Variants in LRRTM4 observed in about 807,000 individuals in gnomAD.
The protein encoded by LRRTM4 is leucine-rich repeat transmembrane neuronal protein 4.
LRRTM4 carries 25 observed loss-of-function variants against 47.6 expected under a neutral mutation model. The ratio of observed to expected loss-of-function variants is 0.53; its 90% CI spans 0.38 to 0.73. LRRTM4 has a LOEUF of 0.73. Ranked by LOEUF, LRRTM4 falls within the 30% of genes least tolerant of loss-of-function variation. LRRTM4 has a pLI of 0.00. For missense variants in LRRTM4, 638 were observed against 713.4 expected, an observed-to-expected ratio of 0.89 and a Z score of 1.20; for synonymous variants, 311 against 269.5, an observed-to-expected ratio of 1.15 and a Z score of -1.51.
intron 3 of LRRTM4, among the ~76,000 whole-genome samples, chr2:77,196,835 T>A (rs1271970303): frequency 3.3e-5 from 5 of 152,188 alleles, no homozygotes; most frequent in Admixed American, 6.6e-5. Flanking sequence ...AAGAACAATA[T>A]AAGTATGGGA....
chr2:76,894,809 T>G (rs1384282750), intron 3 of LRRTM4, among the ~76,000 whole-genome samples: 2 of 151,880 alleles, frequency 1.3e-5, no homozygotes, highest in African/African-American at 4.8e-5. Flanking sequence ...ATATACAATT[T>G]CAATAATTAC....
At chr2:77,504,917 T>G (rs1678710972) in intron 3 of LRRTM4, among the ~76,000 whole-genome samples, 1 of 151,494 alleles carries the variant, frequency 6.6e-6, no homozygotes, top group Admixed American at 6.6e-5. Context: ...TTATAATTTT[T>G]TCTCAGCATT....
chr2:77,444,845 C>T (rs1336235585), intron 3 of LRRTM4, among the ~76,000 whole-genome samples: 1 of 150,788 alleles, frequency 6.6e-6, no homozygotes, highest in Non-Finnish European at 1.5e-5. Flanking sequence ...CGTTGTTTTT[C>T]TGTATTACCT....
intron 3 of LRRTM4, among the ~76,000 whole-genome samples, chr2:77,255,701 G>GA (rs1343761679): frequency 4.6e-5 from 7 of 151,804 alleles, no homozygotes; most frequent in Admixed American, 2.6e-4. Flanking sequence ...AAGGGAAATA[G>GA]AAAAAATAAT....
chr2:77,275,420 C>T (rs1676318230), intron 3 of LRRTM4, among the ~76,000 whole-genome samples: 1 of 152,052 alleles, frequency 6.6e-6, no homozygotes, highest in Non-Finnish European at 1.5e-5. Flanking sequence ...TAGCCTTATG[C>T]AATCAATAGA....
intron 3 of LRRTM4, among the ~76,000 whole-genome samples, chr2:77,357,767 T>C (rs1672023489): frequency 1.3e-5 from 2 of 152,200 alleles, no homozygotes; most frequent in South Asian, 2.1e-4. Flanking sequence ...TACTTTTTAA[T>C]GAGTGTAGCA....
chr2:76,907,059 C>A (rs911399887), intron 3 of LRRTM4, among the ~76,000 whole-genome samples: 1 of 152,034 alleles, frequency 6.6e-6, no homozygotes, highest in African/African-American at 2.4e-5. Flanking sequence ...AGCACCAAAC[C>A]ACACCTATTC....
At chr2:76,949,083 T>C (rs2103881425) in intron 3 of LRRTM4, among the ~76,000 whole-genome samples, 1 of 148,662 alleles carries the variant, frequency 6.7e-6, no homozygotes, top group Admixed American at 6.7e-5. Context: ...AGAAATAGAG[T>C]GCTTTGGGGA....
intron 3 of LRRTM4, among the ~76,000 whole-genome samples, chr2:77,158,374 T>TA (rs1024255403): frequency 3.3e-5 from 5 of 152,230 alleles, no homozygotes; most frequent in African/African-American, 9.6e-5. Flanking sequence ...ACTATGTTCT[T>TA]AGATGCATAT....
At chr2:77,109,108 TTAAA>T (rs1671179407) in intron 3 of LRRTM4, among the ~76,000 whole-genome samples, 1 of 152,206 alleles carries the variant, frequency 6.6e-6, no homozygotes, top group African/African-American at 2.4e-5. Context: ...AAACTATACT[TTAAA>T]TACACATTGA....
intron 3 of LRRTM4, among the ~76,000 whole-genome samples, chr2:77,243,031 A>C (rs1426698207): frequency 6.6e-6 from 1 of 152,224 alleles, no homozygotes; most frequent in Non-Finnish European, 1.5e-5. Context: ...TAGTGAAATA[A>C]CATTCAATAT....
At chr2:77,485,351 A>T (rs1677869100) in intron 3 of LRRTM4, among the ~76,000 whole-genome samples, 1 of 152,170 alleles carries the variant, frequency 6.6e-6, no homozygotes, top group Non-Finnish European at 1.5e-5. Flanking sequence ...TTTGAACTGG[A>T]TCTTTAATCT....
At chr2:76,965,580 A>C (rs1305390047) in intron 3 of LRRTM4, among the ~76,000 whole-genome samples, 1 of 151,202 alleles carries the variant, frequency 6.6e-6, no homozygotes, top group Admixed American at 6.6e-5. Flanking sequence ...TGCATATTTA[A>C]CTCTTATAAT....
chr2:77,089,810 T>C (rs1448730229), intron 3 of LRRTM4, among the ~76,000 whole-genome samples: 2 of 152,186 alleles, frequency 1.3e-5, no homozygotes, highest in Non-Finnish European at 2.9e-5. Flanking sequence ...AATGGCACTT[T>C]GAATTTTTCC....
intron 3 of LRRTM4, among the ~76,000 whole-genome samples, chr2:76,886,075 G>T (rs183043565): frequency 1.3e-5 from 2 of 152,100 alleles, no homozygotes; most frequent in Admixed American, 1.3e-4. Context: ...TAAGCTGAAA[G>T]ATATTTGCGA....
At chr2:76,862,220 T>A (rs1387531263) in intron 3 of LRRTM4, among the ~76,000 whole-genome samples, 3 of 152,184 alleles carry the variant, frequency 2.0e-5, no homozygotes, top group Non-Finnish European at 4.4e-5. Context: ...ATTTGATTTC[T>A]GTGCTTTCAT....
At chr2:76,793,907 G>A (rs1675115129) in intron 3 of LRRTM4, among the ~76,000 whole-genome samples, 2 of 152,284 alleles carry the variant, frequency 1.3e-5, no homozygotes, top group South Asian at 2.1e-4. Context: ...TAGTGGGACA[G>A]TAATTGCTTC....
chr2:76,786,010 C>T (rs1231541742), intron 3 of LRRTM4, among the ~76,000 whole-genome samples: 1 of 152,148 alleles, frequency 6.6e-6, no homozygotes, highest in Non-Finnish European at 1.5e-5. Flanking sequence ...TGATACCTAG[C>T]TGCTCCTATC....
At chr2:77,302,796 C>T (rs1351216462) in intron 3 of LRRTM4, among the ~76,000 whole-genome samples, 1 of 152,112 alleles carries the variant, frequency 6.6e-6, no homozygotes, top group East Asian at 1.9e-4. Context: ...GTTGTGGGAA[C>T]TTCTATCAGT....
Sources: allele counts gnomAD v4.1 joint callset (sites outside exome capture counted in the v4.1 genomes callset), GRCh38; gene constraint gnomAD v4.1.1; transcripts MANE v1.5; gene names NCBI Gene and HGNC (gene_info 2026-07-23, HGNC 2026-07-21).